PEX5L: variants seen among roughly 807,000 people sequenced by gnomAD.
The protein encoded by PEX5L is peroxisomal biogenesis factor 5 like, also known as PEX5-related protein.
PEX5L carries 30 observed loss-of-function variants against 84.0 expected under a neutral mutation model. That is an observed-to-expected ratio of 0.36 (90% CI 0.27 to 0.48). The LOEUF (loss-of-function observed/expected upper bound fraction) is 0.48. PEX5L is among the 20% of genes least tolerant of loss of function. The pLI is 0.99. For synonymous variants in PEX5L, 270 were observed against 283.1 expected (o/e 0.95, Z 0.46); for missense variants, 533 against 754.6 (o/e 0.71, Z 3.44).
chr3:179,951,263 A>G (rs1779013579), intron 2 of PEX5L, among the ~76,000 whole-genome samples: 1 of 152,168 alleles, frequency 6.6e-6, no homozygotes, highest in African/African-American at 2.4e-5. Context: ...TGTGATCATT[A>G]GAGTTGAGAT....
At chr3:179,877,290 A>G (rs748166088) in intron 5 of PEX5L, among the ~76,000 whole-genome samples, 2 of 152,170 alleles carry the variant, frequency 1.3e-5, no homozygotes, top group Non-Finnish European at 1.5e-5. Flanking sequence ...CATTCATCTC[A>G]TGATGGGTTT....
chr3:180,010,715 A>T (rs1403543187), intron 1 of PEX5L, among the ~76,000 whole-genome samples: 1 of 151,896 alleles, frequency 6.6e-6, no homozygotes, highest in Non-Finnish European at 1.5e-5. Context: ...AATCTCATAC[A>T]TTTATCTATA....
intron 1 of PEX5L, among the ~76,000 whole-genome samples, chr3:179,986,397 ATTTTTTT>A (rs11344304): frequency 9.0e-6 from 1 of 111,094 alleles, no homozygotes; most frequent in East Asian, 2.4e-4. Flanking sequence ...CCATTTAGTA[ATTTTTTT>A]TTTTTTTTTT....
rs573089455 is a variant in PEX5L, at chr3:179,813,802, G to A, written c.1084-1931C>T. Among the ~76,000 whole-genome samples the A allele has an allele frequency of 1.1e-4, 16 of 150,534 alleles. No homozygotes were observed. In the East Asian group the frequency reaches 2.2e-3, roughly 20 times the overall value. ...CGCCATTCTCCTGCCTCAGCCTCCC[G>A]AGTAGCTGGGACTACAGGCGCCCGC... On this transcript the variant is annotated intron_variant, in intron 10 of 14. Transcript: ENST00000467460.
rs186537200 is a variant in PEX5L at position 179,921,288 on chromosome 3, C to G, written c.94-23042G>C. Among the ~76,000 whole-genome samples the G allele has an allele frequency of 2.3e-3, 348 of 152,222 alleles. 1 individual carries two copies. Among genetic ancestry groups the G allele is most frequent in the Non-Finnish European group, 4.2e-3 (286 of 68,014 alleles). On this transcript the variant is annotated intron_variant, in intron 2 of 14. Transcript: ENST00000467460. ...AAAGCATCACATCAGCCAAAAGTAT[C>G]TCTTTCCACATTAGCCAATAGCATG...
In PEX5L at chr3:179,895,218, A is replaced by T. The variant is rs1348258780; in HGVS notation, c.198+2924T>A. 5.9e-5 allele frequency among the ~76,000 whole-genome samples: 9 copies of T among 152,114 alleles called. No homozygotes were observed. The East Asian group carries it at 1.5e-3, about 26-fold the overall frequency. The stretch of plus-strand genomic sequence containing the variant: ...ACCATTTCAACATATGATCATTATA[A>T]AAATCGTTAATGTGATAGTTTACAC... On this transcript the variant is annotated intron_variant, in intron 3 of 14. Coordinates refer to ENST00000467460, the MANE Select transcript of PEX5L (RefSeq NM_016559.3).
chr3:179,934,020 C>T (rs889102949), intron 2 of PEX5L, among the ~76,000 whole-genome samples: 3 of 152,180 alleles, frequency 2.0e-5, no homozygotes, highest in East Asian at 1.9e-4. Flanking sequence ...AAAGAAGAAA[C>T]GGATATCCTC....
At chr3:179,841,611 C>A (rs1236264901) in intron 8 of PEX5L, among the ~76,000 whole-genome samples, 1 of 152,192 alleles carries the variant, frequency 6.6e-6, no homozygotes, top group East Asian at 1.9e-4. Context: ...AGTCACTTAA[C>A]TATAATGCTA....
At chr3:179,939,559 T>C (rs1045990872) in intron 2 of PEX5L, among the ~76,000 whole-genome samples, 3 of 152,202 alleles carry the variant, frequency 2.0e-5, no homozygotes, top group African/African-American at 7.2e-5. Flanking sequence ...GTAATGTATG[T>C]GTTAACTACA....
Position 180,012,885 on chromosome 3 carries a change from C to T in PEX5L, c.21+23694G>A, listed in dbSNP as rs552454763. ...GGATGCAGAGTTAATTAAAAAAATA[C>T]GTCTCTGAATCACACTGAAAAAAAT... On this transcript the variant is annotated intron_variant, in intron 1 of 14. Transcript: ENST00000467460. 1.3e-4 allele frequency among the ~76,000 whole-genome samples: 19 copies of T among 151,948 alleles called. No homozygotes were observed. In the South Asian group the frequency reaches 3.3e-3, roughly 27 times the overall value.
chr3:179,822,255 A>G (rs1728787599), intron 8 of PEX5L, among the ~76,000 whole-genome samples: 1 of 152,248 alleles, frequency 6.6e-6, no homozygotes, highest in Non-Finnish European at 1.5e-5. Flanking sequence ...TGGAATTTAA[A>G]GCATATTACA....
At chr3:179,841,940 A>G (rs959333966) in intron 8 of PEX5L, among the ~76,000 whole-genome samples, 2 of 152,230 alleles carry the variant, frequency 1.3e-5, no homozygotes, top group Non-Finnish European at 2.9e-5. Context: ...GATGAGATAA[A>G]TAGCACACAG....
chr3:179,829,610 C>T (rs370724790), intron 8 of PEX5L, among the ~76,000 whole-genome samples: 4 of 152,088 alleles, frequency 2.6e-5, no homozygotes, highest in Admixed American at 1.3e-4. Context: ...CACCCGGGGG[C>T]GGCATTTATA....
intron 1 of PEX5L, 118 bp downstream of exon 1, chr3:180,036,461 G>A (rs1004575705): frequency 1.0e-6 from 1 of 953,178 alleles, no homozygotes; most frequent in Non-Finnish European, 1.7e-6. Flanking sequence ...CGGTCATGTT[G>A]CATCACTTCA....
chr3:179,971,501 T>C, intron 2 of PEX5L, 93 bp downstream of exon 2: 7 of 1,433,002 alleles, frequency 4.9e-6, no homozygotes, highest in Non-Finnish European at 4.6e-6. Flanking sequence ...GACAGGCTAA[T>C]ACAGCTGCCA....
At chr3:179,860,272 T>G (rs1223995607) in intron 7 of PEX5L, among the ~76,000 whole-genome samples, 1 of 152,350 alleles carries the variant, frequency 6.6e-6, no homozygotes, top group African/African-American at 2.4e-5. Context: ...GGATGAGGCA[T>G]GCACTGAGAC....
intron 2 of PEX5L, among the ~76,000 whole-genome samples, chr3:179,948,665 T>C (rs6443678): frequency 0.58 from 88,228 of 151,432 alleles, 26,656 homozygotes; most frequent in African/African-American, 0.75. Flanking sequence ...ACTGGGTAGG[T>C]GCATACTGTA....
rs1425801623 is a variant in PEX5L at position 180,036,774 on chromosome 3, G to A, written c.-175C>T. ...CGGCGGCCACTCGGCAGCGCTGCGG[G>A]CTGCCGGGAACTGTTCTCCGCTCGG... On this transcript the variant is annotated 5_prime_UTR_variant, in exon 1 of 15. Coordinates refer to ENST00000467460, the MANE Select transcript of PEX5L (RefSeq NM_016559.3). 4.4e-6 allele frequency: 3 copies of A among 684,186 alleles called. No individual in the cohort carries two copies. The highest frequency in any genetic ancestry group is 8.0e-6 in the Non-Finnish European group (3 of 375,878). The allele number at this position is 684,186 out of a possible 1,614,324, so 42.4% of individuals were successfully genotyped here. A position where few individuals can be genotyped will look rare whatever the true frequency, so the allele number is the denominator to read the frequency against.
At position 179,809,516 on chromosome 3, in the gene PEX5L, C is replaced by T. The variant is rs772834456; in HGVS notation, c.1307G>A (p.Gly436Glu). ...CATCCGCCGGGTGAGGCCTGGAGAT[C>T]CCTTCTTGCTTTTCACAAGGTATTT... ...KYKYLVKSKK[G>E]SPGLTRRMSK... Residue 436 changes from glycine to glutamate, a missense_variant, in exon 12 of 15, where the codon GGA becomes GAA. Transcript: ENST00000467460. 2.2e-5 allele frequency: 36 copies of T among 1,613,928 alleles called. No homozygotes were observed. The highest frequency in any genetic ancestry group is 2.9e-5 in the Non-Finnish European group (34 of 1,179,992).
Sources: gnomAD v4.1 joint callset for allele counts (sites outside exome capture counted in the v4.1 genomes callset) on GRCh38, gnomAD v4.1.1 for gene constraint, MANE v1.5 for transcripts, NCBI Gene and HGNC (gene_info 2026-07-23, HGNC 2026-07-21) for gene names.